Variants in CAPN7 observed in about 807,000 individuals in gnomAD.
The protein encoded by CAPN7 is calpain 7.
A neutral mutation model predicts 115.2 loss-of-function variants in CAPN7; 72 were observed. The ratio of observed to expected loss-of-function variants is 0.63; its 90% CI spans 0.52 to 0.76. The LOEUF is 0.76. CAPN7 is among the 30% of genes least tolerant of loss of function. The pLI is 0.00. For synonymous variants in CAPN7, 344 were observed against 322.3 expected (o/e 1.07, Z -0.72); for missense variants, 905 against 971.5 (o/e 0.93, Z 0.91).
intron 10 of CAPN7, among the ~76,000 whole-genome samples, chr3:15,233,289 A>G (rs1694800670): frequency 6.6e-6 from 1 of 152,250 alleles, no homozygotes; most frequent in Non-Finnish European, 1.5e-5. Flanking sequence ...CCCATCATTC[A>G]TAAGTGATTA....
intron 19 of CAPN7, 27 bp downstream of exon 19, chr3:15,247,484 T>A (rs145712474): frequency 3.8e-6 from 6 of 1,566,848 alleles, no homozygotes. Flanking sequence ...TTTCTTAAAT[T>A]AATGATGTTC....
At chr3:15,215,713 C>T (rs114029493) in intron 2 of CAPN7, among the ~76,000 whole-genome samples, 114 of 152,298 alleles carry the variant, frequency 7.5e-4, no homozygotes, top group Non-Finnish European at 1.1e-3. Flanking sequence ...TATTGATGTG[C>T]TGCATTTTGT....
rs764429236 is a variant in CAPN7 at position 15,217,555 on chromosome 3, A to G, written c.342A>G (p.Thr114=). ...TTGAAGATGCTATAGAATTGTACACAGAAGCTGTGGATCTCTGTCTGAAAA... is the reference window on the plus strand; with the variant it reads ...TTGAAGATGCTATAGAATTGTACACGGAAGCTGTGGATCTCTGTCTGAAAA... ...ENVEDAIELY[T]EAVDLCLKTS... The change falls in exon 3 of 21, where the codon ACA becomes ACG. Residue 114 remains threonine (T), a synonymous_variant. Transcript: ENST00000253693. 6.2e-7 allele frequency: 1 copy of G among 1,613,340 alleles called. No individual in the cohort carries two copies. The highest frequency in any genetic ancestry group is 1.1e-5 in the South Asian group (1 of 90,906).
At position 15,250,969 on chromosome 3, in the gene CAPN7, C is replaced by T; in HGVS notation, c.2243C>T (p.Thr748Ile). Residue 748 changes from threonine (T) to isoleucine (I), a missense_variant, in exon 20 of 21, where the codon ACT becomes ATT. Coordinates refer to ENST00000253693, the MANE Select transcript of CAPN7 (RefSeq NM_014296.3). ...GGATTTGAGGTTGTAACAGTTTCTA[C>T]TCTAGGAGATCCTGGTCCCCATGGC... is the stretch of plus-strand genomic sequence containing the variant. ...SVGFEVVTVS[T>I]LGDPGPHGFL... 6.2e-7 allele frequency: 1 copy of T among 1,613,512 alleles called. No individual in the cohort carries two copies. Among genetic ancestry groups the T allele is most frequent in the South Asian group, 1.1e-5 (1 of 91,068 alleles).
chr3:15,227,887 T>C lies in CAPN7; in HGVS notation c.774T>C (p.Phe258=). 6.4e-7 allele frequency: 1 copy of C among 1,550,882 alleles called. No individual in the cohort carries two copies. Among genetic ancestry groups the C allele is most frequent in the South Asian group, 1.2e-5 (1 of 80,816 alleles). Residue 258 remains phenylalanine (F), a synonymous_variant, in exon 7 of 21, where the codon TTT becomes TTC. Transcript: ENST00000253693. ...LPLSPKQKTT[F]SKWVRPEDLT... ...TATCACCTAAACAAAAAACTACATT[T>C]TCCAAGTGGGTACGACCAGAAGACC...
intron 16 of CAPN7, among the ~76,000 whole-genome samples, chr3:15,242,649 T>TC (rs1479432987): frequency 6.6e-6 from 1 of 152,192 alleles, no homozygotes; most frequent in Non-Finnish European, 1.5e-5. Context: ...TGCCCCAGCT[T>TC]CTCACAGTTG....
chr3:15,227,838 G>T lies in CAPN7; in HGVS notation c.726-1G>T. The T allele has an allele frequency of 6.7e-7, 1 of 1,485,838 alleles. No homozygotes were observed. The highest frequency in any genetic ancestry group is 9.0e-7 in the Non-Finnish European group (1 of 1,114,018). 92.0% of individuals were successfully genotyped at this position (1,485,838 alleles called of 1,614,324 possible). A position where few individuals can be genotyped will look rare whatever the true frequency, so the allele number is the denominator to read the frequency against. ...TATTTTAATTTTTATTATTACCTCA[G>T]TGATAGATGGGGCAAGCTACCATTA... On this transcript the variant is annotated splice_acceptor_variant, in intron 6 of 20. Transcript: ENST00000253693. LOFTEE classifies it high-confidence loss of function.
At chr3:15,217,117 C>T (rs929722754) in intron 2 of CAPN7, among the ~76,000 whole-genome samples, 1 of 151,196 alleles carries the variant, frequency 6.6e-6, no homozygotes, top group Non-Finnish European at 1.5e-5. Context: ...CATGGTGGTA[C>T]ACTCCTGTAG....
chr3:15,235,295 G>T (rs138275672), intron 12 of CAPN7, 150 bp downstream of exon 12: 3 of 645,428 alleles, frequency 4.6e-6, no homozygotes, highest in African/African-American at 3.7e-5. Context: ...GATCTCTACC[G>T]TTGAAAATTA....
intron 7 of CAPN7, among the ~76,000 whole-genome samples, chr3:15,228,483 G>T (rs1023796134): frequency 6.6e-6 from 1 of 152,170 alleles, no homozygotes; most frequent in Non-Finnish European, 1.5e-5. Flanking sequence ...ATCAGTGACA[G>T]ATTGGATGAA....
chr3:15,219,546 CT>C (rs1183276145), intron 4 of CAPN7, among the ~76,000 whole-genome samples: 1 of 152,200 alleles, frequency 6.6e-6, no homozygotes, highest in African/African-American at 2.4e-5. Flanking sequence ...TTATAAGTGA[CT>C]TTATTACGTC....
intron 6 of CAPN7, among the ~76,000 whole-genome samples, chr3:15,225,662 C>T (rs1033634384): frequency 2.0e-5 from 3 of 152,104 alleles, no homozygotes; most frequent in African/African-American, 7.2e-5. Flanking sequence ...TGATTACTTG[C>T]TTAATGCTTG....
Position 15,250,591 on chromosome 3 carries a change from G to C in CAPN7, c.2205-340G>C, listed in dbSNP as rs140338826. 3.0e-3 allele frequency among the ~76,000 whole-genome samples: 463 copies of C among 152,266 alleles called. 6 individuals carry two copies. Among genetic ancestry groups the C allele is most frequent in the Admixed American group, 0.025 (379 of 15,298 alleles). ...GAAGGCTGAGGCAGGATAATCACTT[G>C]AACCCAGGAGGCGGAGGTTGCAGTG... On this transcript the variant is annotated intron_variant, in intron 19 of 20. Transcript: ENST00000253693.
Position 15,241,572 on chromosome 3 carries a change from G to T in CAPN7, c.1772G>T (p.Arg591Ile). ...GCTGCAGTTTGGGTTTTGCTTAGTAGACACATAACAGACAAGGTACTGATA... is the reference window on the plus strand; with the variant it reads ...GCTGCAGTTTGGGTTTTGCTTAGTATACACATAACAGACAAGGTACTGATA... ...GGAAVWVLLSRHITDKDDFAN... is the reference protein window; with the variant it reads ...GGAAVWVLLSIHITDKDDFAN... Residue 591 changes from arginine to isoleucine, a missense_variant, in exon 15 of 21, where the codon AGA (arginine) becomes ATA (isoleucine). By Grantham distance (97) the Arg-to-Ile change is moderately conservative (BLOSUM62 -3). Around this residue, in one of 3 missense-constraint regions of CAPN7, gnomAD observed 620 missense variants for 703.4 expected, o/e 0.88. Transcript: ENST00000253693. 6.2e-7 allele frequency: 1 copy of T among 1,614,010 alleles called. No individual in the cohort carries two copies. Among genetic ancestry groups the T allele is most frequent in the Non-Finnish European group, 8.5e-7 (1 of 1,179,976 alleles).
At chr3:15,220,297 A>C (rs913572043) in intron 4 of CAPN7, among the ~76,000 whole-genome samples, 1 of 152,194 alleles carries the variant, frequency 6.6e-6, no homozygotes, top group Non-Finnish European at 1.5e-5. Context: ...TCTACTTAGA[A>C]TGCTTCCTCA....
chr3:15,230,784 T>G (rs1037607731), intron 9 of CAPN7, among the ~76,000 whole-genome samples: 2 of 152,228 alleles, frequency 1.3e-5, no homozygotes, highest in African/African-American at 4.8e-5. Context: ...AACGTTCAAC[T>G]AAGGATTGCT....
chr3:15,236,881 A>G (rs1695023752), intron 12 of CAPN7, among the ~76,000 whole-genome samples: 1 of 152,202 alleles, frequency 6.6e-6, no homozygotes, highest in African/African-American at 2.4e-5. Context: ...GCTTTGGGTG[A>G]GTGAGTGAGT....
At chr3:15,244,015 C>A (rs546359395) in intron 16 of CAPN7, among the ~76,000 whole-genome samples, 34 of 152,236 alleles carry the variant, frequency 2.2e-4, no homozygotes, top group Middle Eastern at 3.4e-3. Context: ...TAAGAACAGG[C>A]ATAGTGGAGA....
Position 15,223,580 on chromosome 3 carries a change from A to G in CAPN7, c.725+19A>G. ...CTTTCTGGTAAGTAAGCACTGTTGCAATTTTTAACTCCAATATTTTAACTT... is the reference window on the plus strand; with the variant it reads ...CTTTCTGGTAAGTAAGCACTGTTGCGATTTTTAACTCCAATATTTTAACTT... On this transcript the variant is annotated intron_variant, in intron 6 of 20. Transcript: ENST00000253693. The G allele has an allele frequency of 1.4e-6, 2 of 1,396,534 alleles. No homozygotes were observed. The highest frequency in any genetic ancestry group is 1.0e-6 in the Non-Finnish European group (1 of 1,002,444). The allele number at this position is 1,396,534 out of a possible 1,614,324, so 86.5% of individuals were successfully genotyped here. A position where few individuals can be genotyped will look rare whatever the true frequency, so the allele number is the denominator to read the frequency against.
Sources: gnomAD v4.1 joint callset for allele counts (sites outside exome capture counted in the v4.1 genomes callset) on GRCh38, gnomAD v4.1.1 for gene constraint, gnomAD v4.1.1 regional missense constraint, MANE v1.5 for transcripts, NCBI Gene and HGNC (gene_info 2026-07-23, HGNC 2026-07-21) for gene names.